The following PDE4D variants were observed in gnomAD, a reference collection of about 807,000 sequenced individuals.
The protein encoded by PDE4D is phosphodiesterase 4D.
PDE4D carries 24 observed loss-of-function variants against 87.4 expected under a neutral mutation model. The ratio of observed to expected loss-of-function variants is 0.27; its 90% confidence interval spans 0.20 to 0.39. The LOEUF (loss-of-function observed/expected upper bound fraction) is 0.39. PDE4D is among the 10% of genes least tolerant of loss of function. The pLI is 1.00. For missense variants in PDE4D, 714 were observed against 1,041.0 expected, an observed-to-expected ratio of 0.69 and a Z score of 4.32; for synonymous variants, 384 against 383.2, an observed-to-expected ratio of 1.00 and a Z score of -0.02.
rs550684268 is a variant in PDE4D at position 60,049,925 on chromosome 5, G to A, written c.43-61208C>T. On this transcript the variant is annotated intron_variant, in intron 2 of 16. Coordinates refer to the PDE4D transcript ENST00000502484. ...TGAGCTTCCTGGCTGCTTTGTTTAC[G>A]TAAGCAAGCCTGGGCAATGGTGGGC... Among the ~76,000 whole-genome samples, 147 of 152,290 alleles carry A rather than the reference G, an allele frequency of 9.7e-4. 1 individual carries two copies. Among genetic ancestry groups the A allele is most frequent in the African/African-American group, 3.2e-3 (135 of 41,574 alleles).
At chr5:60,395,685 T>C (rs1253572924) in intron 1 of PDE4D, among the ~76,000 whole-genome samples, 1 of 152,118 alleles carries the variant, frequency 6.6e-6, no homozygotes, top group Non-Finnish European at 1.5e-5. Flanking sequence ...ACGCCTTTTA[T>C]TTCTCTTTCT....
chr5:60,012,849 G>A (rs2152845960), intron 2 of PDE4D, among the ~76,000 whole-genome samples: 1 of 152,266 alleles, frequency 6.6e-6, no homozygotes, highest in East Asian at 1.9e-4. Flanking sequence ...CCAATTTGCT[G>A]CCATCGTATT....
chr5:58,993,507 A>C (rs7724713), intron 6 of PDE4D, 42 bp from the exon 7 acceptor site: 4 of 1,293,818 alleles, frequency 3.1e-6, no homozygotes, highest in Non-Finnish European at 4.4e-6. Context: ...GAAGAGGAAA[A>C]TTTAAGTGAA....
chr5:60,460,287 TAGA>T (rs1214287407), intron 1 of PDE4D: 1 of 1,034,326 alleles, frequency 9.7e-7, no homozygotes, highest in Non-Finnish European at 1.5e-6. Context: ...ATTCTTTGGA[TAGA>T]AGTTTATTTT....
At chr5:59,719,016 A>G (rs1452290698) in intron 1 of PDE4D, among the ~76,000 whole-genome samples, 1 of 152,076 alleles carries the variant, frequency 6.6e-6, no homozygotes, top group African/African-American at 2.4e-5. Context: ...TTAAAAAAAA[A>G]AAAAGCCTCT....
At chr5:59,053,661 G>GTTTTTTTTTTTT (rs1223091433) in intron 5 of PDE4D, among the ~76,000 whole-genome samples, 1 of 89,818 alleles carries the variant, frequency 1.1e-5, no homozygotes, top group African/African-American at 3.6e-5. Flanking sequence ...TTTTGTTGTT[G>GTTTTTTTTTTTT]TTTTTTTTTT....
intron 1 of PDE4D, among the ~76,000 whole-genome samples, chr5:59,624,537 A>G (rs576873995): frequency 6.6e-6 from 1 of 152,318 alleles, no homozygotes; most frequent in Non-Finnish European, 1.5e-5. Context: ...CTGTGGCACA[A>G]ACGTGGTAGT....
intron 1 of PDE4D, among the ~76,000 whole-genome samples, chr5:59,746,232 A>G (rs186513718): frequency 6.6e-6 from 1 of 152,280 alleles, no homozygotes; most frequent in African/African-American, 2.4e-5. Context: ...TCTGCAAACT[A>G]GCAATTTCCC....
intron 1 of PDE4D, among the ~76,000 whole-genome samples, chr5:60,247,033 G>A (rs780521059): frequency 2.0e-5 from 3 of 151,972 alleles, no homozygotes; most frequent in Non-Finnish European, 4.4e-5. Flanking sequence ...ATAGAGATGT[G>A]TTTTTGAAGG....
chr5:59,130,155 A>T (rs1487269824), intron 5 of PDE4D, among the ~76,000 whole-genome samples: 1 of 152,216 alleles, frequency 6.6e-6, no homozygotes, highest in Non-Finnish European at 1.5e-5. Context: ...CAAATATATG[A>T]TCATTGGCCT....
chr5:59,127,171 C>T (rs1452346746), intron 5 of PDE4D, among the ~76,000 whole-genome samples: 3 of 152,170 alleles, frequency 2.0e-5, no homozygotes, highest in Non-Finnish European at 2.9e-5. Flanking sequence ...AACATGCAAG[C>T]GTCCACAGTA....
intron 1 of PDE4D, among the ~76,000 whole-genome samples, chr5:60,366,897 G>A (rs2149971875): frequency 6.6e-6 from 1 of 152,298 alleles, no homozygotes; most frequent in East Asian, 1.9e-4. Context: ...TTTTTTATCA[G>A]TTACTTGTTT....
At position 58,973,733 on chromosome 5, in the gene PDE4D, G is replaced by C. The variant is rs1743050021; in HGVS notation, c.*931C>G. 1 of 152,532 alleles carries C rather than the reference G, an allele frequency of 6.6e-6. No homozygotes were observed. Among genetic ancestry groups the C allele is most frequent in the African/African-American group, 2.4e-5 (1 of 41,422 alleles). 9.4% of individuals were successfully genotyped at this position (152,532 alleles called of 1,614,324 possible). A position where few individuals can be genotyped will look rare whatever the true frequency, so the allele number is the denominator to read the frequency against. On this transcript the variant is annotated 3_prime_UTR_variant, in exon 15 of 15. Coordinates refer to ENST00000340635, the MANE Select transcript of PDE4D (RefSeq NM_001104631.2). ...ACTTTGCACATGAAGAAAAACACTG[G>C]TGAAGAGCAACTCTGCTTATCTGGA...
intron 1 of PDE4D, among the ~76,000 whole-genome samples, chr5:59,755,086 T>C (rs1761033774): frequency 6.6e-6 from 1 of 152,180 alleles, no homozygotes; most frequent in South Asian, 2.1e-4. Flanking sequence ...TGTGGCTTAT[T>C]GAATTTTAAA....
chr5:59,649,371 G>A (rs147698576), intron 1 of PDE4D, among the ~76,000 whole-genome samples: 5 of 152,192 alleles, frequency 3.3e-5, no homozygotes, highest in African/African-American at 9.6e-5. Context: ...AGTGTGAGCC[G>A]GGGGAGGAAT....
At chr5:59,815,877 G>A (rs1044236558) in intron 1 of PDE4D, among the ~76,000 whole-genome samples, 35 of 152,266 alleles carry the variant, frequency 2.3e-4, no homozygotes, top group Non-Finnish European at 4.4e-4. Context: ...TGTCCTGATC[G>A]ACATTTTTCA....
Position 59,100,684 on chromosome 5 carries a change from A to G in PDE4D, c.809-61713T>C, listed in dbSNP as rs116776592. ...ATGTCAGTTTTCCTAAACAGACTTG[A>G]ATGATTTTCTTGAGAGTCTAACTGC... On this transcript the variant is annotated intron_variant, in intron 5 of 14. Coordinates refer to ENST00000340635, the MANE Select transcript of PDE4D (RefSeq NM_001104631.2). Among the ~76,000 whole-genome samples the G allele has an allele frequency of 1.8e-3, 267 of 152,294 alleles. 2 individuals carry two copies. The highest frequency in any genetic ancestry group is 5.9e-3 in the African/African-American group (245 of 41,560).
At chr5:59,499,808 A>C (rs1242031767) in intron 1 of PDE4D, among the ~76,000 whole-genome samples, 1 of 152,032 alleles carries the variant, frequency 6.6e-6, no homozygotes, top group Non-Finnish European at 1.5e-5. Context: ...AATAGCCCTG[A>C]ACCAAATGGA....
intron 1 of PDE4D, among the ~76,000 whole-genome samples, chr5:59,606,899 T>G (rs1490401189): frequency 6.6e-6 from 1 of 152,094 alleles, no homozygotes; most frequent in Non-Finnish European, 1.5e-5. Context: ...TTTCCCCATA[T>G]TCATCTCTCT....
Sources: gnomAD v4.1 joint callset for allele counts (sites outside exome capture counted in the v4.1 genomes callset) on GRCh38, gnomAD v4.1.1 for gene constraint, MANE v1.5 for transcripts, NCBI Gene and HGNC (gene_info 2026-07-23, HGNC 2026-07-21) for gene names.